Variants in GNB1 observed in about 807,000 individuals in gnomAD.
GNB1 encodes the protein G protein subunit beta 1, also known as guanine nucleotide-binding protein G(I)/G(S)/G(T) subunit beta-1.
GNB1 carries 2 observed loss-of-function variants against 42.9 expected under a neutral mutation model. The observed-to-expected ratio is 0.05, with a 90% CI of 0.02 to 0.15. GNB1 has a LOEUF of 0.15. Ranked by LOEUF, GNB1 falls within the 10% of genes least tolerant of loss-of-function variation. The pLI is 1.00. For synonymous variants in GNB1, 183 were observed against 174.7 expected, an observed-to-expected ratio of 1.05 and a Z score of -0.38; for missense variants, 193 against 462.2, an observed-to-expected ratio of 0.42 and a Z score of 5.34.
chr1:1,807,698 ATTTTTTCT>A (rs1244314959), intron 5 of GNB1, among the ~76,000 whole-genome samples: 7 of 150,296 alleles, frequency 4.7e-5, no homozygotes, highest in East Asian at 2.0e-4. Context: ...ACTATCACGA[ATTTTTTCT>A]TTTTTTCTTT....
intron 1 of GNB1, among the ~76,000 whole-genome samples, chr1:1,876,896 G>C (rs1372592140): frequency 2.0e-5 from 3 of 152,030 alleles, no homozygotes; most frequent in African/African-American, 7.2e-5. Context: ...TCCAGCACGT[G>C]GATTCAGGTA....
At position 1,879,750 on chromosome 1, in the gene GNB1, A is replaced by G. The variant is rs574057754; in HGVS notation, c.-96+11070T>C. The stretch of plus-strand genomic sequence containing the variant: ...GAATAACTATTTTCTAAGAAAAATA[A>G]TCTGGTGATAAGCCATATTTTACAT... On this transcript the variant is annotated intron_variant, in intron 1 of 11. Transcript: ENST00000378609. 3.3e-5 allele frequency among the ~76,000 whole-genome samples: 5 copies of G among 152,196 alleles called. No homozygotes were observed. The South Asian group carries it at 1.0e-3, about 32-fold the overall frequency.
chr1:1,848,357 CAAA>C (rs56979938), intron 1 of GNB1, among the ~76,000 whole-genome samples: 68 of 94,340 alleles, frequency 7.2e-4, no homozygotes, highest in South Asian at 3.6e-3. Flanking sequence ...CCAGCCCAGG[CAAA>C]AAAAAAAAAA....
At chr1:1,820,677 A>G (rs1180902505) in intron 3 of GNB1, among the ~76,000 whole-genome samples, 1 of 152,190 alleles carries the variant, frequency 6.6e-6, no homozygotes, top group Non-Finnish European at 1.5e-5. Flanking sequence ...TTTAAAATGG[A>G]GAAAATAAAA....
chr1:1,852,065 A>G (rs1648015484), intron 1 of GNB1, among the ~76,000 whole-genome samples: 1 of 151,490 alleles, frequency 6.6e-6, no homozygotes. Context: ...ATAAAGAGAC[A>G]TTCACTTTAC....
chr1:1,855,582 T>C (rs1648244475), intron 1 of GNB1, among the ~76,000 whole-genome samples: 1 of 151,600 alleles, frequency 6.6e-6, no homozygotes, highest in Non-Finnish European at 1.5e-5. Context: ...GCGCCTGTAG[T>C]CCCAGCTACT....
At chr1:1,788,983 C>T (rs1646443399) in intron 10 of GNB1, 70 bp downstream of exon 10, 3 of 1,113,760 alleles carry the variant, frequency 2.7e-6, no homozygotes, top group Non-Finnish European at 4.1e-6. Context: ...CTTATGCAAC[C>T]ACTCTGTGTT....
chr1:1,819,225 A>AT (rs576755086), intron 3 of GNB1, among the ~76,000 whole-genome samples: 2,402 of 146,374 alleles, frequency 0.016, 27 homozygotes, highest in Middle Eastern at 0.035. Flanking sequence ...AATCACAACT[A>AT]TTTTTTTTTT....
chr1:1,804,421 G>C lies in GNB1; in HGVS notation c.428C>G (p.Thr143Arg). 2 of 1,611,656 alleles carry C rather than the reference G, an allele frequency of 1.2e-6. No individual in the cohort carries two copies. Among genetic ancestry groups the C allele is most frequent in the Non-Finnish European group, 8.5e-7 (1 of 1,177,772 alleles). Reference protein sequence around the residue: ...VRVSRELAGHTGYLSCCRFLD... With the variant: ...VRVSRELAGHRGYLSCCRFLD... ...AGCTTATGAACAAGGACAGGTACCT[G>C]TGTGTCCTGCCAGCTCACGACTCAC... The change falls in exon 7 of 12, where the codon ACA (threonine) becomes AGA (arginine). Residue 143 changes from threonine to arginine, a missense_variant and splice_region_variant. By Grantham distance (71) the Thr-to-Arg change is moderately conservative. Transcript: ENST00000378609.
intron 5 of GNB1, among the ~76,000 whole-genome samples, chr1:1,813,275 T>C (rs1468474608): frequency 6.6e-6 from 1 of 151,980 alleles, no homozygotes; most frequent in Non-Finnish European, 1.5e-5. Flanking sequence ...GCCCAGCTAA[T>C]TTTTAAATTT....
intron 7 of GNB1, among the ~76,000 whole-genome samples, chr1:1,795,482 T>C (rs1646534064): frequency 6.6e-6 from 1 of 152,134 alleles, no homozygotes; most frequent in Non-Finnish European, 1.5e-5. Flanking sequence ...AATCATGACC[T>C]TGGCTGGACG....
intron 1 of GNB1, among the ~76,000 whole-genome samples, chr1:1,889,494 A>T (rs1405746518): frequency 6.6e-6 from 1 of 152,176 alleles, no homozygotes; most frequent in African/African-American, 2.4e-5. Context: ...TCAGGAGCCC[A>T]TTTCACAATC....
intron 3 of GNB1, among the ~76,000 whole-genome samples, chr1:1,822,714 G>A (rs1231047875): frequency 6.6e-6 from 1 of 152,126 alleles, no homozygotes; most frequent in Non-Finnish European, 1.5e-5. Flanking sequence ...AAGGCCCTGG[G>A]GAATTCACAA....
intron 1 of GNB1, among the ~76,000 whole-genome samples, chr1:1,868,152 T>G (rs529167315): frequency 1.3e-5 from 2 of 152,186 alleles, no homozygotes; most frequent in South Asian, 4.1e-4. Flanking sequence ...CATCTAAAGG[T>G]TCCTTCATAT....
At chr1:1,864,159 A>T (rs1442457930) in intron 1 of GNB1, among the ~76,000 whole-genome samples, 2 of 151,710 alleles carry the variant, frequency 1.3e-5, no homozygotes, top group Non-Finnish European at 2.9e-5. Context: ...TGTCTCTACT[A>T]AATATACAAA....
intron 1 of GNB1, among the ~76,000 whole-genome samples, chr1:1,875,070 C>T (rs1407098489): frequency 6.6e-6 from 1 of 152,184 alleles, no homozygotes; most frequent in Non-Finnish European, 1.5e-5. Flanking sequence ...GCTGATCTGA[C>T]AGGAGGTGGA....
intron 1 of GNB1, among the ~76,000 whole-genome samples, chr1:1,889,249 A>C (rs183180609): frequency 6.6e-6 from 1 of 151,454 alleles, no homozygotes; most frequent in Non-Finnish European, 1.5e-5. Flanking sequence ...AATAATCTTC[A>C]TATTTTCTTA....
At chr1:1,821,544 G>A (rs1474611950) in intron 3 of GNB1, among the ~76,000 whole-genome samples, 1 of 152,202 alleles carries the variant, frequency 6.6e-6, no homozygotes, top group Non-Finnish European at 1.5e-5. Context: ...AGGAAAAAAT[G>A]TTCTACATTT....
chr1:1,817,109 C>A (rs1248067706), intron 4 of GNB1, among the ~76,000 whole-genome samples: 3 of 152,158 alleles, frequency 2.0e-5, no homozygotes, highest in Non-Finnish European at 2.9e-5. Context: ...CTCTCCCTCT[C>A]TCCCCTAACA....
Sources: allele counts gnomAD v4.1 joint callset (sites outside exome capture counted in the v4.1 genomes callset), GRCh38; gene constraint gnomAD v4.1.1; transcripts MANE v1.5; gene names NCBI Gene and HGNC (gene_info 2026-07-23, HGNC 2026-07-21).